KNDC1: variants seen among roughly 807,000 people sequenced by gnomAD.
KNDC1 encodes the protein kinase non-catalytic C-lobe domain containing 1, also known as kinase non-catalytic C-lobe domain-containing protein 1.
In KNDC1, 106 loss-of-function variants were observed where a neutral mutation model predicts 172.8. The observed-to-expected ratio is 0.61, with a 90% confidence interval of 0.52 to 0.72. KNDC1 has a LOEUF of 0.72. KNDC1 is among the 30% of genes least tolerant of loss of function. The pLI is 0.00. For synonymous variants in KNDC1, 1,083 were observed against 1,062.2 expected (o/e 1.02, Z -0.38); for missense variants, 2,325 against 2,394.5 (o/e 0.97, Z 0.61).
rs970039805 is a variant in KNDC1 at position 133,160,365 on chromosome 10, C to T, written c.-103C>T. 3 of 449,470 alleles carry T rather than the reference C, an allele frequency of 6.7e-6. No individual in the cohort carries two copies. The highest frequency in any genetic ancestry group is 9.8e-6 in the Non-Finnish European group (3 of 305,856). 27.8% of individuals were successfully genotyped at this position (449,470 alleles called of 1,614,324 possible). On this transcript the variant is annotated 5_prime_UTR_variant, in exon 1 of 30. Coordinates refer to ENST00000304613, the MANE Select transcript of KNDC1 (RefSeq NM_152643.8). ...TGCGGCAGCGGCGGGCGGGCGGGGGCGGGCGAGGGCCGGGCGCGTCTCCAT... is the reference window on the plus strand; with the variant it reads ...TGCGGCAGCGGCGGGCGGGCGGGGGTGGGCGAGGGCCGGGCGCGTCTCCAT...
rs866363784 is a variant in KNDC1 at position 133,195,835 on chromosome 10, A to G, written c.1734+14A>G. ...GAGGCCATCAAGGTAACCACACCAC[A>G]GTCATGGCCCCAGCCCAGGGTCCAA... On this transcript the variant is annotated intron_variant, in intron 10 of 29. Coordinates refer to ENST00000304613, the MANE Select transcript of KNDC1 (RefSeq NM_152643.8). The G allele has an allele frequency of 6.5e-7, 1 of 1,533,116 alleles. No individual in the cohort carries two copies. The allele number at this position is 1,533,116 out of a possible 1,614,324, so 95.0% of individuals were successfully genotyped here.
At chr10:133,184,601 G>A (rs140766104) in intron 5 of KNDC1, among the ~76,000 whole-genome samples, 5 of 152,298 alleles carry the variant, frequency 3.3e-5, no homozygotes, top group East Asian at 3.9e-4. Context: ...TTACACACCC[G>A]CTCTCATGCC....
chr10:133,214,291 G>C (rs2044283587), intron 26 of KNDC1, among the ~76,000 whole-genome samples, 169 bp downstream of exon 26: 1 of 152,186 alleles, frequency 6.6e-6, no homozygotes, highest in Non-Finnish European at 1.5e-5. Context: ...CAGGGCACAG[G>C]CTTCACTACA....
Position 133,160,957 on chromosome 10 carries a change from G to C in KNDC1, c.102+388G>C, listed in dbSNP as rs565249755. ...GCGCCGCTCAGGAGCTGGGGGATGA[G>C]GTCCCCGGAGCTGAGGTTCAGGAGC... On this transcript the variant is annotated intron_variant, in intron 1 of 29. Transcript: ENST00000304613. Among the ~76,000 whole-genome samples the C allele has an allele frequency of 1.9e-4, 29 of 152,132 alleles. No individual in the cohort carries two copies. The South Asian group carries it at 5.8e-3, about 31-fold the overall frequency.
At position 133,224,404 on chromosome 10, in the gene KNDC1, G is replaced by A. The variant is rs527238297; in HGVS notation, c.5019-255G>A. ...GACTCTTCTTGGGACGCTCAGCAGG[G>A]ACGAGCCTGAGCCTGCAGGGTTTCC... On this transcript the variant is annotated intron_variant, in intron 29 of 29. Coordinates refer to ENST00000304613, the MANE Select transcript of KNDC1 (RefSeq NM_152643.8). This position sits in a 1 kb window ranked among gnomAD's most constrained non-coding sequence, Gnocchi z 5.4. Among the ~76,000 whole-genome samples the A allele has an allele frequency of 1.2e-4, 19 of 152,296 alleles. No homozygotes were observed. The highest frequency in any genetic ancestry group is 3.8e-4 in the African/African-American group (16 of 41,562).
At chr10:133,221,941 G>A (rs1466146781) in intron 29 of KNDC1, among the ~76,000 whole-genome samples, 1 of 132,352 alleles carries the variant, frequency 7.6e-6, no homozygotes, top group Non-Finnish European at 1.6e-5. Context: ...AGCCACTCAC[G>A]CCTGTAACCC....
intron 7 of KNDC1, among the ~76,000 whole-genome samples, chr10:133,189,130 G>A (rs1309148402): frequency 1.3e-5 from 2 of 152,192 alleles, no homozygotes; most frequent in Admixed American, 1.3e-4. Flanking sequence ...CCAGACATCA[G>A]GGCAGACGGA....
intron 29 of KNDC1, among the ~76,000 whole-genome samples, chr10:133,221,828 G>A (rs1845594712): frequency 1.6e-5 from 2 of 127,286 alleles, no homozygotes; most frequent in Admixed American, 8.3e-5. Flanking sequence ...TGTAACCCTA[G>A]GTAGGCCGGG....
Position 133,211,809 on chromosome 10 carries a change from C to T in KNDC1, c.4187C>T (p.Pro1396Leu). The stretch of plus-strand genomic sequence containing the variant: ...AGGGAGGCCGAGGAGGATGCCAGAC[C>T]CTTCAACGCCCTCTGTAAGAGGCTC... ...NPREAEEDARPFNALCKRLSE... is the reference protein window; with the variant it reads ...NPREAEEDARLFNALCKRLSE... Residue 1396 changes from proline (P) to leucine (L), a missense_variant, in exon 23 of 30, where the codon CCC becomes CTC. Transcript: ENST00000304613. 1 of 1,609,588 alleles carries T rather than the reference C, an allele frequency of 6.2e-7. No individual in the cohort carries two copies. The highest frequency in any genetic ancestry group is 8.5e-7 in the Non-Finnish European group (1 of 1,179,106).
Position 133,219,941 on chromosome 10 carries a change from G to A in KNDC1, c.4861-14G>A. On this transcript the variant is annotated splice_polypyrimidine_tract_variant and intron_variant, in intron 28 of 29. Coordinates refer to ENST00000304613, the MANE Select transcript of KNDC1 (RefSeq NM_152643.8). The stretch of plus-strand genomic sequence containing the variant: ...CCTGTCTCTCCCCGGCCCACGCCCC[G>A]GCTGGACCACCAGGTCTTCCTGAAG... The A allele has an allele frequency of 1.3e-6, 2 of 1,547,074 alleles. No individual in the cohort carries two copies. Among genetic ancestry groups the A allele is most frequent in the Non-Finnish European group, 1.7e-6 (2 of 1,144,536 alleles).
chr10:133,167,248 A>G, intron 1 of KNDC1, 133 bp from the exon 2 acceptor site: 1 of 789,768 alleles, frequency 1.3e-6, no homozygotes, highest in Non-Finnish European at 2.0e-6. Context: ...GACGTGGTCT[A>G]AAGCCCTTTC....
At chr10:133,196,868 C>T (rs895544056) in intron 10 of KNDC1, among the ~76,000 whole-genome samples, 190 bp from the exon 11 acceptor site, 2 of 152,094 alleles carry the variant, frequency 1.3e-5, no homozygotes, top group Admixed American at 1.3e-4. Context: ...GGACAGTGGC[C>T]GACTGTGAGC....
At chr10:133,167,731 C>A in intron 2 of KNDC1, 152 bp downstream of exon 2, 1 of 923,212 alleles carries the variant, frequency 1.1e-6, no homozygotes, top group Non-Finnish European at 1.6e-6. Flanking sequence ...TTGGGAGGGA[C>A]TCAGGCTGGA....
Position 133,210,837 on chromosome 10 carries a change from G to C in KNDC1, c.3908+113G>C, listed in dbSNP as rs572157125. 4.5e-6 allele frequency: 4 copies of C among 879,552 alleles called. No individual in the cohort carries two copies. The African/African-American group carries it at 4.9e-5, about 11-fold the overall frequency. The allele number at this position is 879,552 out of a possible 1,614,324, so 54.5% of individuals were successfully genotyped here. On this transcript the variant is annotated intron_variant, in intron 21 of 29. Transcript: ENST00000304613. ...ACGAGGTGGTCCCTGGCGACCCAAG[G>C]GGGTGAGGGGCCAGGGAAGCCTGGC...
Position 133,197,048 on chromosome 10 carries a change from C to T in KNDC1, c.1735-10C>T. 1.2e-6 allele frequency: 2 copies of T among 1,611,248 alleles called. No homozygotes were observed. The highest frequency in any genetic ancestry group is 8.5e-7 in the Non-Finnish European group (1 of 1,178,096). ...CCTGTCGGGACGTGTGAACTGTCTC[C>T]TCCCTCCAGGTGTGCGGCAGCTACC... On this transcript the variant is annotated splice_polypyrimidine_tract_variant and intron_variant, in intron 10 of 29. Transcript: ENST00000304613.
chr10:133,198,495 G>A lies in KNDC1; in HGVS notation c.2065G>A (p.Ala689Thr), dbSNP rs1346617159. The A allele has an allele frequency of 6.2e-7, 1 of 1,600,914 alleles. No individual in the cohort carries two copies. Among genetic ancestry groups the A allele is most frequent in the African/African-American group, 1.3e-5 (1 of 74,878 alleles). Residue 689 changes from alanine (A) to threonine (T), a missense_variant, in exon 13 of 30, where the codon GCC (alanine) becomes ACC (threonine). Physicochemically the swap from Ala to Thr is moderately conservative, Grantham distance 58 (BLOSUM62 0). Coordinates refer to ENST00000304613, the MANE Select transcript of KNDC1 (RefSeq NM_152643.8). The part of the protein sequence containing the change: ...PIVLAQNASV[A>T]RDQPALAQEE... Reference sequence around the variant, plus strand: ...TGTCCTCGCGCAGAACGCAAGTGTGGCCAGGTGAGCATCGTCCCCACACCC... The same window carrying A: ...TGTCCTCGCGCAGAACGCAAGTGTGACCAGGTGAGCATCGTCCCCACACCC...
At chr10:133,210,417 G>A (rs1315363964) in intron 20 of KNDC1, among the ~76,000 whole-genome samples, 194 bp from the exon 21 acceptor site, 1 of 147,356 alleles carries the variant, frequency 6.8e-6, no homozygotes, top group African/African-American at 2.5e-5. Context: ...GCTGGAAGTA[G>A]TTGGGAATTT....
At chr10:133,203,998 G>T (rs1001331495) in intron 17 of KNDC1, among the ~76,000 whole-genome samples, 2 of 152,212 alleles carry the variant, frequency 1.3e-5, no homozygotes, top group Non-Finnish European at 2.9e-5. Flanking sequence ...ATGCGTCAGG[G>T]TACACAGACC....
rs1308187099 is a variant in KNDC1 at position 133,187,107 on chromosome 10, C to G, written c.1326+433C>G. On this transcript the variant is annotated intron_variant, in intron 6 of 29. Transcript: ENST00000304613. The stretch of plus-strand genomic sequence containing the variant: ...TTCTGACGGTTTAAAAGTTAGAAAC[C>G]AAAGCTGTGGGTTGAGCTTGCTCAT... Among the ~76,000 whole-genome samples, 4 of 152,366 alleles carry G rather than the reference C, an allele frequency of 2.6e-5. No homozygotes were observed. The East Asian group carries it at 7.7e-4, about 29-fold the overall frequency.
Sources: allele counts gnomAD v4.1 joint callset (sites outside exome capture counted in the v4.1 genomes callset), GRCh38; gene constraint gnomAD v4.1.1; non-coding constraint Gnocchi (gnomAD v3.1); transcripts MANE v1.5; gene names NCBI Gene and HGNC (gene_info 2026-07-23, HGNC 2026-07-21).